NCKAP5: variants seen among roughly 807,000 people sequenced by gnomAD.
NCKAP5 encodes the protein nck-associated protein 5.
In NCKAP5, 92 loss-of-function variants were observed where a neutral mutation model predicts 167.0. That is an observed-to-expected ratio of 0.55 (90% CI 0.47 to 0.66). The LOEUF (loss-of-function observed/expected upper bound fraction) is 0.66, where lower values mean the gene tolerates loss of function less well. Ranked by LOEUF, NCKAP5 falls within the 30% of genes least tolerant of loss-of-function variation. The pLI is 0.00. For missense variants in NCKAP5, 2,378 were observed against 2,315.0 expected (o/e 1.03, Z -0.56); for synonymous variants, 891 against 877.4 (o/e 1.02, Z -0.27).
At chr2:133,169,148 T>C (rs567648869) in intron 5 of NCKAP5, among the ~76,000 whole-genome samples, 1 of 152,300 alleles carries the variant, frequency 6.6e-6, no homozygotes, top group South Asian at 2.1e-4. Context: ...GAAAAAGACT[T>C]CCAAACAACT....
At chr2:132,929,770 C>G (rs539836437) in intron 8 of NCKAP5, 1 of 152,332 alleles carries the variant, frequency 6.6e-6, no homozygotes, top group South Asian at 2.1e-4. Flanking sequence ...GTCTTCTCTT[C>G]TGCCCCATGT....
chr2:133,070,569 T>C (rs2080355534), intron 6 of NCKAP5, among the ~76,000 whole-genome samples: 2 of 152,152 alleles, frequency 1.3e-5, no homozygotes, highest in African/African-American at 4.8e-5. Context: ...CTGGCAATGT[T>C]CATCACCCCA....
chr2:132,939,812 C>A (rs1283456018), intron 8 of NCKAP5, among the ~76,000 whole-genome samples: 1 of 151,972 alleles, frequency 6.6e-6, no homozygotes, highest in Non-Finnish European at 1.5e-5. Flanking sequence ...CCAGCCTGGT[C>A]AACATGGTGA....
chr2:133,288,937 A>T (rs754095128), intron 4 of NCKAP5, among the ~76,000 whole-genome samples: 12 of 152,208 alleles, frequency 7.9e-5, no homozygotes, highest in Non-Finnish European at 1.0e-4. Flanking sequence ...ACTCTTAAGA[A>T]ATAACTGCCG....
At chr2:133,447,943 A>G (rs1375649511) in intron 3 of NCKAP5, among the ~76,000 whole-genome samples, 1 of 152,174 alleles carries the variant, frequency 6.6e-6, no homozygotes, top group Admixed American at 6.6e-5. Flanking sequence ...GTCCACATGC[A>G]TGGGCCATTT....
chr2:133,665,207 G>T, the NCKAP5 span, among the ~76,000 whole-genome samples: 2 of 152,166 alleles, frequency 1.3e-5, no homozygotes, highest in Non-Finnish European at 2.9e-5. Flanking sequence ...CATTCACAAC[G>T]TGGCTAACTG....
At chr2:133,094,167 G>T (rs6732376) in intron 6 of NCKAP5, among the ~76,000 whole-genome samples, 1 of 152,050 alleles carries the variant, frequency 6.6e-6, no homozygotes, top group Non-Finnish European at 1.5e-5. Context: ...GAACATTGTC[G>T]CCGGATAATA....
intron 16 of NCKAP5, among the ~76,000 whole-genome samples, chr2:132,771,297 CA>C (rs1682024177): frequency 6.6e-6 from 1 of 151,536 alleles, no homozygotes; most frequent in African/African-American, 2.4e-5. Flanking sequence ...TCGTTTTTAA[CA>C]AAAAATTTAA....
chr2:133,048,405 G>C (rs1278450145), intron 6 of NCKAP5, among the ~76,000 whole-genome samples: 1 of 152,152 alleles, frequency 6.6e-6, no homozygotes, highest in Non-Finnish European at 1.5e-5. Context: ...GAAACAAAAA[G>C]GGTTCACCTT....
chr2:132,730,094 C>A (rs1690843392), intron 17 of NCKAP5, among the ~76,000 whole-genome samples: 1 of 152,178 alleles, frequency 6.6e-6, no homozygotes, highest in Non-Finnish European at 1.5e-5. Flanking sequence ...GATATTATGT[C>A]AGGACAGGAA....
At chr2:133,166,290 C>T (rs2083999259) in intron 5 of NCKAP5, among the ~76,000 whole-genome samples, 1 of 152,102 alleles carries the variant, frequency 6.6e-6, no homozygotes, top group Non-Finnish European at 1.5e-5. Flanking sequence ...GTCATTTTGC[C>T]TGGTTCATAC....
chr2:133,257,259 C>G lies in NCKAP5; in HGVS notation c.144-43480G>C, dbSNP rs75820154. ...TGCCAACAAGCAATATAACTAGGAACAAAATGGATCCAGATACTTTATGAA... is the reference window on the plus strand; with the variant it reads ...TGCCAACAAGCAATATAACTAGGAAGAAAATGGATCCAGATACTTTATGAA... On this transcript the variant is annotated intron_variant, in intron 4 of 19. Transcript: ENST00000409261. Among the ~76,000 whole-genome samples, 164 of 152,212 alleles carry G rather than the reference C, an allele frequency of 1.1e-3. 2 individuals are homozygous for G. In the East Asian group the frequency reaches 0.031, roughly 29 times the overall value.
intron 4 of NCKAP5, among the ~76,000 whole-genome samples, chr2:133,259,748 G>A (rs571752670): frequency 2.6e-5 from 4 of 152,324 alleles, no homozygotes; most frequent in South Asian, 2.1e-4. Flanking sequence ...TAGACACAAC[G>A]ATTCATAGGA....
chr2:132,732,212 TG>T (rs1691091294), intron 16 of NCKAP5, among the ~76,000 whole-genome samples, 161 bp from the exon 17 acceptor site: 1 of 148,672 alleles, frequency 6.7e-6, no homozygotes, highest in African/African-American at 2.5e-5. Context: ...AAACACCGCT[TG>T]TTCTCACTCA....
chr2:133,014,265 A>G (rs1482992377), intron 6 of NCKAP5, among the ~76,000 whole-genome samples: 1 of 152,184 alleles, frequency 6.6e-6, no homozygotes, highest in Admixed American at 6.5e-5. Flanking sequence ...GCAGATAGCC[A>G]TGGATACTTG....
At chr2:132,992,345 G>A (rs1170955029) in intron 7 of NCKAP5, among the ~76,000 whole-genome samples, 2 of 152,166 alleles carry the variant, frequency 1.3e-5, no homozygotes, top group African/African-American at 2.4e-5. Context: ...AATGAATGCT[G>A]CTGATGATGT....
chr2:133,571,975 CAA>C (rs111238105), upstream of NCKAP5, among the ~76,000 whole-genome samples: 10 of 141,626 alleles, frequency 7.1e-5, no homozygotes, highest in Admixed American at 1.4e-4. Flanking sequence ...AACTCCATCT[CAA>C]AAAAAAAAAA....
rs118121512 is a variant in NCKAP5 at position 132,920,419 on chromosome 2, G to A, written c.580-41503C>T. 3.3e-5 allele frequency among the ~76,000 whole-genome samples: 5 copies of A among 151,656 alleles called. No homozygotes were observed. The East Asian group carries it at 9.7e-4, about 30-fold the overall frequency. The stretch of plus-strand genomic sequence containing the variant: ...CACCATGTGTTGAGTACTATCTGTG[G>A]GTTACAGCATCATGTAAAAAGTTAG... On this transcript the variant is annotated intron_variant, in intron 8 of 19. Transcript: ENST00000409261.
At chr2:132,932,069 G>A (rs1024491184) in intron 8 of NCKAP5, among the ~76,000 whole-genome samples, 1 of 152,140 alleles carries the variant, frequency 6.6e-6, no homozygotes, top group African/African-American at 2.4e-5. Context: ...CACTCAGGGC[G>A]CTCCTCACTG....
Sources: allele counts gnomAD v4.1 joint callset (sites outside exome capture counted in the v4.1 genomes callset), GRCh38; gene constraint gnomAD v4.1.1; transcripts MANE v1.5; gene names NCBI Gene and HGNC (gene_info 2026-07-23, HGNC 2026-07-21).